EVA1A: variants seen among roughly 807,000 people sequenced by gnomAD.
EVA1A encodes the protein protein eva-1 homolog A.
EVA1A carries 7 observed loss-of-function variants against 9.8 expected under a neutral mutation model. The observed-to-expected ratio is 0.71, with a 90% CI of 0.41 to 1.34. EVA1A has a LOEUF of 1.34. Ranked by LOEUF, EVA1A falls within the 40% of genes most tolerant of loss-of-function variation. The pLI, the probability that EVA1A is intolerant of heterozygous loss-of-function variation, is 0.01. For missense variants in EVA1A, 206 were observed against 205.9 expected (o/e 1.00, Z 0.00); for synonymous variants, 90 against 85.6 (o/e 1.05, Z -0.28).
At chr2:75,528,889 C>T (rs1018264217) in intron 1 of EVA1A, among the ~76,000 whole-genome samples, 2 of 152,216 alleles carry the variant, frequency 1.3e-5, no homozygotes, top group East Asian at 1.9e-4. Flanking sequence ...AACAACCCTG[C>T]TCCAAGAAAG....
intron 1 of EVA1A, among the ~76,000 whole-genome samples, chr2:75,554,054 C>T (rs1235943783): frequency 6.6e-6 from 1 of 152,118 alleles, no homozygotes; most frequent in African/African-American, 2.4e-5. Flanking sequence ...CTTGTCTTGA[C>T]AAGATGAGTG....
intron 3 of EVA1A, among the ~76,000 whole-genome samples, chr2:75,517,521 G>C (rs1208931713): frequency 1.3e-5 from 2 of 152,144 alleles, no homozygotes; most frequent in African/African-American, 4.8e-5. Context: ...TCTTACTAAA[G>C]AGTGCAACTT....
intron 3 of EVA1A, among the ~76,000 whole-genome samples, chr2:75,496,836 C>A (rs566196358): frequency 7.2e-4 from 109 of 152,148 alleles, no homozygotes; most frequent in Admixed American, 7.0e-3. Context: ...GTACAAAAAC[C>A]AACACATAGA....
intron 1 of EVA1A, among the ~76,000 whole-genome samples, chr2:75,556,132 G>T (rs1481624562): frequency 6.6e-6 from 1 of 152,180 alleles, no homozygotes; most frequent in African/African-American, 2.4e-5. Context: ...CGTATTGCAC[G>T]TGTATTCCAA....
chr2:75,495,549 T>C lies in EVA1A; in HGVS notation c.86-1940A>G, dbSNP rs188301119. ...TTCTGTGTGCTACTTATTAGGATTC[T>C]TTTCAATTCAAATACAAAAACTTCA... On this transcript the variant is annotated intron_variant, in intron 3 of 3. Coordinates refer to ENST00000393913, the MANE Select transcript of EVA1A (RefSeq NM_001135032.2). Among the ~76,000 whole-genome samples, 51 of 152,342 alleles carry C rather than the reference T, an allele frequency of 3.3e-4. No individual in the cohort carries two copies. The South Asian group carries it at 3.7e-3, about 11-fold the overall frequency.
chr2:75,516,202 C>A (rs1167579013), intron 3 of EVA1A, among the ~76,000 whole-genome samples: 1 of 152,172 alleles, frequency 6.6e-6, no homozygotes, highest in Non-Finnish European at 1.5e-5. Flanking sequence ...ATTTGATTTT[C>A]TTCACTAAAA....
intron 1 of EVA1A, among the ~76,000 whole-genome samples, chr2:75,533,972 C>T (rs536484969): frequency 1.4e-4 from 22 of 151,894 alleles, no homozygotes; most frequent in South Asian, 1.2e-3. Flanking sequence ...CCACCACGCC[C>T]GGCTAATTTT....
chr2:75,518,636 C>T (rs1349839721), intron 2 of EVA1A: 1 of 987,564 alleles, frequency 1.0e-6, no homozygotes, highest in Non-Finnish European at 1.2e-6. Flanking sequence ...ACAATTCCCC[C>T]TTACCACTTC....
At chr2:75,551,743 T>C (rs1676530740) in intron 1 of EVA1A, among the ~76,000 whole-genome samples, 1 of 152,220 alleles carries the variant, frequency 6.6e-6, no homozygotes, top group Non-Finnish European at 1.5e-5. Context: ...CTAACAATGG[T>C]TGTTGAGAGG....
At chr2:75,553,582 G>T (rs1291764980) in intron 1 of EVA1A, among the ~76,000 whole-genome samples, 1 of 152,202 alleles carries the variant, frequency 6.6e-6, no homozygotes, top group Non-Finnish European at 1.5e-5. Flanking sequence ...AGTGTTGGCA[G>T]CTTGAGCTGA....
In EVA1A at chr2:75,493,301, T is replaced by A; in HGVS notation, c.394A>T (p.Arg132Trp). 1.9e-6 allele frequency: 3 copies of A among 1,614,100 alleles called. No individual in the cohort carries two copies. The highest frequency in any genetic ancestry group is 2.5e-6 in the Non-Finnish European group (3 of 1,179,978). Residue 132 changes from arginine (R) to tryptophan (W), a missense_variant, in exon 4 of 4, where the codon AGG becomes TGG. Coordinates refer to ENST00000393913, the MANE Select transcript of EVA1A (RefSeq NM_001135032.2). ...GGCTGGCCATTCATCCAGATCTCCC[T>A]GATGATGCGCTCGCGCTCCTCCAGC... is the stretch of plus-strand genomic sequence containing the variant. ...QRLEERERII[R>W]EIWMNGQPEV...
intron 3 of EVA1A, 175 bp downstream of exon 3, chr2:75,517,881 C>T (rs755958363): frequency 1.3e-6 from 1 of 786,034 alleles, no homozygotes; most frequent in East Asian, 2.7e-5. Context: ...TAGAGAATGA[C>T]AAGCTTAACT....
At chr2:75,562,407 G>A (rs1558696854), upstream of EVA1A, among the ~76,000 whole-genome samples, 1 of 152,130 alleles carries the variant, frequency 6.6e-6, no homozygotes, top group South Asian at 2.1e-4. Context: ...TTACTCAAGA[G>A]CTACTTCATT....
intron 3 of EVA1A, among the ~76,000 whole-genome samples, chr2:75,503,363 G>A (rs1674498108): frequency 6.6e-6 from 1 of 152,180 alleles, no homozygotes; most frequent in South Asian, 2.1e-4. Context: ...GAGTGGGGAG[G>A]GCTATTGTCA....
chr2:75,565,998 T>TA (rs1677019797), intron 1 of EVA1A, among the ~76,000 whole-genome samples: 1 of 152,230 alleles, frequency 6.6e-6, no homozygotes, highest in Non-Finnish European at 1.5e-5. Context: ...TTTCTCTCTC[T>TA]ATCTCTCTCT....
At position 75,517,019 on chromosome 2, in the gene EVA1A, G is replaced by C. The variant is rs147458626; in HGVS notation, c.85+1037C>G. On this transcript the variant is annotated intron_variant, in intron 3 of 3. Transcript: ENST00000393913. ...AAGAAGGCAGAGCCCTGGACCTGAG[G>C]CACAAGCAGACTACATGCTGCAGCT... 3.9e-5 allele frequency among the ~76,000 whole-genome samples: 6 copies of C among 152,196 alleles called. No individual in the cohort carries two copies. In the East Asian group the frequency reaches 1.2e-3, roughly 29 times the overall value.
chr2:75,505,656 C>A lies in EVA1A; in HGVS notation c.86-12047G>T, dbSNP rs960759310. 2.0e-5 allele frequency among the ~76,000 whole-genome samples: 3 copies of A among 151,804 alleles called. No homozygotes were observed. The South Asian group carries it at 6.2e-4, about 32-fold the overall frequency. ...TGAAACCCTGTCTCTACTAAAAATA[C>A]AAAAAAATTTAGCTGGGCATGGTGG... On this transcript the variant is annotated intron_variant, in intron 3 of 3. Coordinates refer to ENST00000393913, the MANE Select transcript of EVA1A (RefSeq NM_001135032.2).
intron 1 of EVA1A, among the ~76,000 whole-genome samples, chr2:75,537,002 CA>C (rs988040384): frequency 4.0e-5 from 6 of 151,636 alleles, no homozygotes; most frequent in African/African-American, 1.5e-4. Context: ...AAAGATAGTG[CA>C]AAAAAAGAAA....
chr2:75,525,560 T>C (rs957588010), intron 1 of EVA1A, among the ~76,000 whole-genome samples: 4 of 152,302 alleles, frequency 2.6e-5, no homozygotes, highest in South Asian at 2.1e-4. Flanking sequence ...TTGTGTTCCA[T>C]CCTTCTGCAT....
Sources: gnomAD v4.1 joint callset for allele counts (sites outside exome capture counted in the v4.1 genomes callset) on GRCh38, gnomAD v4.1.1 for gene constraint, MANE v1.5 for transcripts, NCBI Gene and HGNC (gene_info 2026-07-23, HGNC 2026-07-21) for gene names.